The following MAL2 variants were observed in gnomAD, a reference collection of about 807,000 sequenced individuals.
MAL2 encodes the protein protein MAL2.
Under a neutral mutation model 18.1 loss-of-function variants are expected in MAL2, and 17 were observed. That is an observed-to-expected ratio of 0.94 (90% CI 0.64 to 1.41). MAL2 has a LOEUF of 1.41. MAL2 is among the 40% of genes most tolerant of loss of function. The pLI, the probability that MAL2 is intolerant of heterozygous loss-of-function variation, is 0.00. For missense variants in MAL2, 222 were observed against 231.9 expected (o/e 0.96, Z 0.28); for synonymous variants, 102 against 102.3 (o/e 1.00, Z 0.02).
intron 2 of MAL2, among the ~76,000 whole-genome samples, chr8:119,227,502 C>A (rs1035268164): frequency 6.6e-6 from 1 of 152,178 alleles, no homozygotes; most frequent in Non-Finnish European, 1.5e-5. Flanking sequence ...AGCACTAGTA[C>A]CTCCACTGTG....
chr8:119,225,779 CTGT>C (rs1199264882), intron 2 of MAL2, among the ~76,000 whole-genome samples: 1 of 152,164 alleles, frequency 6.6e-6, no homozygotes, highest in Non-Finnish European at 1.5e-5. Flanking sequence ...TCTCCAGCAC[CTGT>C]TGTTTCCTGA....
At chr8:119,215,854 G>A (rs141976958) in intron 1 of MAL2, among the ~76,000 whole-genome samples, 4 of 152,238 alleles carry the variant, frequency 2.6e-5, no homozygotes, top group African/African-American at 9.6e-5. Flanking sequence ...ATCTACAGTC[G>A]CATTGTGAAT....
chr8:119,240,352 C>T (rs1365665257), intron 3 of MAL2, 32 bp downstream of exon 3: 2 of 1,602,234 alleles, frequency 1.2e-6, no homozygotes, highest in East Asian at 2.2e-5. Context: ...GTACCATTCA[C>T]CAGCACTTCC....
intron 1 of MAL2, among the ~76,000 whole-genome samples, chr8:119,211,051 G>T (rs1817260691): frequency 6.6e-6 from 1 of 152,162 alleles, no homozygotes; most frequent in African/African-American, 2.4e-5. Flanking sequence ...ATCAAAGCTG[G>T]CTTGTTACCC....
intron 3 of MAL2, among the ~76,000 whole-genome samples, chr8:119,242,019 T>A (rs1818057395): frequency 6.6e-6 from 1 of 152,066 alleles, no homozygotes; most frequent in African/African-American, 2.4e-5. Flanking sequence ...CAAAGCAAAG[T>A]TCAGGGACTT....
At chr8:119,218,004 G>T (rs1817386835) in intron 1 of MAL2, among the ~76,000 whole-genome samples, 2 of 152,172 alleles carry the variant, frequency 1.3e-5, no homozygotes, top group South Asian at 4.1e-4. Flanking sequence ...AGTAGCTTTT[G>T]TCAAAAGGAA....
chr8:119,237,942 C>T lies in MAL2; in HGVS notation c.304-2223C>T, dbSNP rs182948742. On this transcript the variant is annotated intron_variant, in intron 2 of 3. Coordinates refer to ENST00000614891, the MANE Select transcript of MAL2 (RefSeq NM_052886.3). ...TAGTGTTGGAAGTTCTGGCCAGGGC[C>T]ATCAGGCAGAAGGAAATAAAAGGTA... Among the ~76,000 whole-genome samples, 541 of 152,084 alleles carry T rather than the reference C, an allele frequency of 3.6e-3. 11 individuals are homozygous for T. The highest frequency in any genetic ancestry group is 0.019 in the Admixed American group (290 of 15,240).
intron 2 of MAL2, among the ~76,000 whole-genome samples, chr8:119,236,870 A>G (rs570010386): frequency 0.012 from 1,840 of 150,620 alleles, 41 homozygotes; most frequent in African/African-American, 0.044. Context: ...CCCTAACATC[A>G]CAATTAAAAG....
rs78811132 is a variant in MAL2, at chr8:119,223,111, C to T, written c.303+1354C>T. ...TTTCAAGTATAACAGCATGTTATTC[C>T]ACAGCTTTAGTGCAGATGTTAAATA... is the stretch of plus-strand genomic sequence containing the variant. On this transcript the variant is annotated intron_variant, in intron 2 of 3. Coordinates refer to ENST00000614891, the MANE Select transcript of MAL2 (RefSeq NM_052886.3). Among the ~76,000 whole-genome samples the T allele has an allele frequency of 7.0e-3, 1,060 of 152,258 alleles. 11 individuals carry two copies. The highest frequency in any genetic ancestry group is 0.023 in the African/African-American group (937 of 41,550).
intron 2 of MAL2, 116 bp from the exon 3 acceptor site, chr8:119,240,049 G>A: frequency 6.2e-6 from 7 of 1,128,950 alleles, no homozygotes; most frequent in Non-Finnish European, 8.7e-6. Flanking sequence ...AGTGAATATA[G>A]TTAAGATTGT....
chr8:119,240,850 G>T (rs1818033396), intron 3 of MAL2, among the ~76,000 whole-genome samples: 1 of 152,102 alleles, frequency 6.6e-6, no homozygotes, highest in African/African-American at 2.4e-5. Context: ...TAGATGATAG[G>T]CAGATGAAAT....
intron 2 of MAL2, among the ~76,000 whole-genome samples, chr8:119,234,009 G>A (rs1164015496): frequency 2.6e-5 from 4 of 152,160 alleles, no homozygotes; most frequent in East Asian, 3.9e-4. Context: ...CGTGAGTGAC[G>A]CAGAAGACGG....
chr8:119,219,498 G>C (rs1817424126), intron 1 of MAL2, among the ~76,000 whole-genome samples: 1 of 151,364 alleles, frequency 6.6e-6, no homozygotes, highest in Non-Finnish European at 1.5e-5. Context: ...TAATTTAAGA[G>C]CGTGCTCTAT....
intron 2 of MAL2, among the ~76,000 whole-genome samples, chr8:119,231,368 C>T (rs907865782): frequency 2.0e-5 from 3 of 152,172 alleles, no homozygotes; most frequent in East Asian, 1.9e-4. Flanking sequence ...GTATGATTTG[C>T]TGTATGGGCA....
intron 2 of MAL2, among the ~76,000 whole-genome samples, chr8:119,239,705 G>A (rs1351411442): frequency 6.6e-6 from 1 of 151,554 alleles, no homozygotes; most frequent in African/African-American, 2.4e-5. Flanking sequence ...TCACTCATAG[G>A]TGGGAATTGA....
In MAL2 at chr8:119,240,312, G is replaced by A; in HGVS notation, c.451G>A (p.Ala151Thr). The A allele has an allele frequency of 6.2e-7, 1 of 1,613,158 alleles. No homozygotes were observed. Among genetic ancestry groups the A allele is most frequent in the Non-Finnish European group, 8.5e-7 (1 of 1,179,504 alleles). Residue 151 changes from alanine (A) to threonine (T), a missense_variant, in exon 3 of 4, where the codon GCA becomes ACA. Transcript: ENST00000614891. ...TGATAACCAGTATAACATAAACGTA[G>A]CAGCCTCAGTAAGTATTCATATTCA... is the stretch of plus-strand genomic sequence containing the variant. ...LSDNQYNINV[A>T]ASIFAFMTTA...
chr8:119,226,240 T>C (rs1410779702), intron 2 of MAL2, among the ~76,000 whole-genome samples: 1 of 152,146 alleles, frequency 6.6e-6, no homozygotes, highest in African/African-American at 2.4e-5. Context: ...TGGTATTGCC[T>C]AGGTTTTCTT....
intron 2 of MAL2, among the ~76,000 whole-genome samples, chr8:119,225,788 C>CCTGA (rs1302783017): frequency 1.3e-5 from 2 of 152,138 alleles, no homozygotes; most frequent in African/African-American, 4.8e-5. Flanking sequence ...CCTGTTGTTT[C>CCTGA]CTGACTTTTT....
intron 1 of MAL2, among the ~76,000 whole-genome samples, chr8:119,217,205 A>G (rs1489935415): frequency 2.0e-5 from 3 of 152,200 alleles, no homozygotes; most frequent in Non-Finnish European, 4.4e-5. Flanking sequence ...TTCTTATGGT[A>G]GGGTTTCAGC....
Sources: allele counts gnomAD v4.1 joint callset (sites outside exome capture counted in the v4.1 genomes callset), GRCh38; gene constraint gnomAD v4.1.1; transcripts MANE v1.5; gene names NCBI Gene and HGNC (gene_info 2026-07-23, HGNC 2026-07-21).